Variants in DPYD observed in about 807,000 individuals in gnomAD.
DPYD encodes the protein dihydropyrimidine dehydrogenase, also known as dihydropyrimidine dehydrogenase [NADP(+)].
DPYD carries 109 observed loss-of-function variants against 116.2 expected under a neutral mutation model. The ratio of observed to expected loss-of-function variants is 0.94; its 90% CI spans 0.80 to 1.10. The LOEUF is 1.10. Ranked by LOEUF, DPYD falls within the 50% of genes least tolerant of loss-of-function variation. The pLI, the probability that DPYD is intolerant of heterozygous loss-of-function variation, is 0.00. For missense variants in DPYD, 1,302 were observed against 1,254.5 expected (o/e 1.04, Z -0.57); for synonymous variants, 440 against 432.0 (o/e 1.02, Z -0.23).
intron 16 of DPYD, among the ~76,000 whole-genome samples, chr1:97,355,826 G>C (rs1670400933): frequency 6.6e-6 from 1 of 152,026 alleles, no homozygotes; most frequent in Non-Finnish European, 1.5e-5. Flanking sequence ...CCATTCATCT[G>C]CTGATAGACA....
At chr1:97,593,901 G>C (rs1453303046) in intron 9 of DPYD, among the ~76,000 whole-genome samples, 1 of 152,020 alleles carries the variant, frequency 6.6e-6, no homozygotes, top group African/African-American at 2.4e-5. Context: ...TGTAACTGAA[G>C]AATTTCTGAG....
At chr1:97,290,417 G>T (rs376183539) in intron 18 of DPYD, among the ~76,000 whole-genome samples, 2 of 152,044 alleles carry the variant, frequency 1.3e-5, no homozygotes, top group African/African-American at 4.8e-5. Context: ...GAGGCATCAC[G>T]CTACCTGACT....
intron 18 of DPYD, among the ~76,000 whole-genome samples, chr1:97,293,331 G>T (rs1341899359): frequency 6.6e-6 from 1 of 152,168 alleles, no homozygotes; most frequent in Non-Finnish European, 1.5e-5. Context: ...CAATGGAGAA[G>T]GGGCAGCTGA....
chr1:97,548,086 T>C (rs1651036076), intron 12 of DPYD, among the ~76,000 whole-genome samples: 1 of 152,176 alleles, frequency 6.6e-6, no homozygotes, highest in African/African-American at 2.4e-5. Context: ...AAGTGAATTT[T>C]GTTAGCATGT....
intron 8 of DPYD, among the ~76,000 whole-genome samples, chr1:97,626,961 A>G (rs967252333): frequency 1.3e-5 from 2 of 152,044 alleles, no homozygotes; most frequent in African/African-American, 4.8e-5. Context: ...TGCGTGACTT[A>G]TAAACAGCAG....
intron 3 of DPYD, among the ~76,000 whole-genome samples, chr1:97,741,206 T>G (rs1427992372): frequency 6.6e-6 from 1 of 152,154 alleles, no homozygotes; most frequent in Middle Eastern, 3.2e-3. Context: ...ATTCCCATAT[T>G]TGGGGAACTA....
intron 16 of DPYD, among the ~76,000 whole-genome samples, chr1:97,329,951 C>A (rs1249478586): frequency 6.6e-6 from 1 of 151,448 alleles, no homozygotes; most frequent in African/African-American, 2.4e-5. Flanking sequence ...TATGTTATTT[C>A]TGGTCACTTC....
chr1:97,347,034 G>A (rs1018250397), intron 16 of DPYD, among the ~76,000 whole-genome samples: 2 of 151,610 alleles, frequency 1.3e-5, no homozygotes, highest in Non-Finnish European at 3.0e-5. Context: ...ATTTTTTATA[G>A]ATTATCAGAA....
rs571016808 is a variant in DPYD at position 97,391,048 on chromosome 1, CTTT to C, written c.1906-8590_1906-8588del. Reference sequence around the variant, plus strand: ...TTTGGAGATACCACTTACTTTTCCTCTTTTTTTTTTTTTTTTTGGTGTTCTTTT... The same window carrying C: ...TTTGGAGATACCACTTACTTTTCCTCTTTTTTTTTTTTTTGGTGTTCTTTT... On this transcript the variant is annotated intron_variant, in intron 14 of 22. Coordinates refer to ENST00000370192, the MANE Select transcript of DPYD (RefSeq NM_000110.4). Among the ~76,000 whole-genome samples, 19 of 132,448 alleles carry C rather than the reference CTTT, an allele frequency of 1.4e-4. No individual in the cohort carries two copies. In the South Asian group the frequency reaches 2.9e-3, roughly 20 times the overall value. 86.9% of individuals were successfully genotyped at this position (132,448 alleles called of 152,430 possible).
At chr1:97,755,257 C>A (rs555160998) in intron 3 of DPYD, among the ~76,000 whole-genome samples, 4 of 152,238 alleles carry the variant, frequency 2.6e-5, no homozygotes, top group African/African-American at 9.6e-5. Context: ...AACACTTTAG[C>A]CCAATATGTC....
intron 3 of DPYD, among the ~76,000 whole-genome samples, chr1:97,813,157 T>A (rs1668415682): frequency 1.3e-5 from 2 of 152,138 alleles, no homozygotes; most frequent in African/African-American, 4.8e-5. Flanking sequence ...TATGCAATCA[T>A]CTACCTTTAA....
At chr1:97,867,057 A>C (rs531226210) in intron 2 of DPYD, among the ~76,000 whole-genome samples, 3 of 151,796 alleles carry the variant, frequency 2.0e-5, no homozygotes, top group African/African-American at 7.2e-5. Context: ...CATTTTTTTT[A>C]ATGTCTGAGG....
chr1:97,308,595 A>G (rs1667301831), intron 16 of DPYD, among the ~76,000 whole-genome samples: 1 of 151,854 alleles, frequency 6.6e-6, no homozygotes, highest in Admixed American at 6.6e-5. Flanking sequence ...AAATGAATCT[A>G]TATACTTCAG....
intron 12 of DPYD, among the ~76,000 whole-genome samples, chr1:97,523,640 G>T (rs1648847933): frequency 6.6e-6 from 1 of 151,546 alleles, no homozygotes; most frequent in Non-Finnish European, 1.5e-5. Context: ...TCCACTTATT[G>T]AACTAGTTAT....
At chr1:97,376,887 G>GTGTGTGTGTATATATATATATATATATA in intron 15 of DPYD, among the ~76,000 whole-genome samples, 3,930 of 127,164 alleles carry the variant, frequency 0.031, 118 homozygotes, top group East Asian at 0.058. Context: ...GTGTGTGTGT[G>GTGTGTGTGTATATATATATATATATATA]TATATATATA....
At chr1:97,309,456 A>G (rs1021710680) in intron 16 of DPYD, among the ~76,000 whole-genome samples, 1 of 151,682 alleles carries the variant, frequency 6.6e-6, no homozygotes, top group Admixed American at 6.6e-5. Context: ...CCTGTGACAG[A>G]GGTGCATGGC....
At chr1:97,852,035 AAAAG>A (rs575362285) in intron 2 of DPYD, among the ~76,000 whole-genome samples, 8 of 151,430 alleles carry the variant, frequency 5.3e-5, no homozygotes, top group African/African-American at 9.7e-5. Context: ...AAAAAAAAAA[AAAAG>A]AAAGAAAGAA....
intron 8 of DPYD, among the ~76,000 whole-genome samples, chr1:97,596,277 A>G (rs2102263208): frequency 6.6e-6 from 1 of 152,312 alleles, no homozygotes; most frequent in Admixed American, 6.5e-5. Flanking sequence ...ATGTATTAAT[A>G]TAAACCATGT....
chr1:97,671,413 G>T (rs1479871240), intron 8 of DPYD, among the ~76,000 whole-genome samples: 1 of 152,064 alleles, frequency 6.6e-6, no homozygotes, highest in African/African-American at 2.4e-5. Context: ...TGTAATACTT[G>T]ACATAATTAT....
Sources: gnomAD v4.1 joint callset for allele counts (sites outside exome capture counted in the v4.1 genomes callset) on GRCh38, gnomAD v4.1.1 for gene constraint, MANE v1.5 for transcripts, NCBI Gene and HGNC (gene_info 2026-07-23, HGNC 2026-07-21) for gene names.